Variants in SREBF1 observed in about 807,000 individuals in gnomAD.
The protein encoded by SREBF1 is sterol regulatory element-binding protein 1.
Under a neutral mutation model 100.1 loss-of-function variants are expected in SREBF1, and 45 were observed. That is an observed-to-expected ratio of 0.45 (90% CI 0.35 to 0.58). The LOEUF (loss-of-function observed/expected upper bound fraction) is 0.58, where lower values mean the gene tolerates loss of function less well. SREBF1 is among the 20% of genes least tolerant of loss of function. SREBF1 has a pLI of 0.00. For missense variants in SREBF1, 1,324 were observed against 1,539.4 expected (o/e 0.86, Z 2.34); for synonymous variants, 657 against 681.8 (o/e 0.96, Z 0.57).
Position 17,818,280 on chromosome 17 carries a change from C to G in SREBF1, c.1163G>C (p.Arg388Pro). 1 of 1,613,924 alleles carries G rather than the reference C, an allele frequency of 6.2e-7. No individual in the cohort carries two copies. Among genetic ancestry groups the G allele is most frequent in the Non-Finnish European group, 8.5e-7 (1 of 1,179,984 alleles). ...QKLKQENLSL[R>P]TAVHKSKSLK... ...CTCACTGCTTTTGTGGACAGCAGTG[C>G]GCAGACTTAGGTTCTCCTGCTTGAG... The change falls in exon 6 of 19, where the codon CGC becomes CCC. Residue 388 changes from arginine to proline, a missense_variant. By Grantham distance (103) the Arg-to-Pro change is moderately radical. Coordinates refer to ENST00000261646, the MANE Select transcript of SREBF1 (RefSeq NM_004176.5).
At chr17:17,833,420 C>CAAAAA (rs56369932) in intron 1 of SREBF1, among the ~76,000 whole-genome samples, 12 of 51,082 alleles carry the variant, frequency 2.3e-4, no homozygotes, top group Non-Finnish European at 3.3e-4. Context: ...GACTCCGTCT[C>CAAAAA]AAAAAAAAAA....
chr17:17,826,997 C>T (rs979279000), intron 1 of SREBF1, among the ~76,000 whole-genome samples: 1 of 152,242 alleles, frequency 6.6e-6, no homozygotes, highest in African/African-American at 2.4e-5. Flanking sequence ...AATCCTGTGC[C>T]AGGCACTGGG....
At position 17,824,926 on chromosome 17, in the gene SREBF1, ACGGCCTCTCTAG is replaced by A. The variant is rs1193007212; in HGVS notation, c.92-4417_92-4406del. Among the ~76,000 whole-genome samples the A allele has an allele frequency of 2.0e-5, 3 of 152,090 alleles. No homozygotes were observed. The highest frequency in any genetic ancestry group is 2.9e-5 in the Non-Finnish European group (2 of 68,020). On this transcript the variant is annotated intron_variant, in intron 1 of 18. Transcript: ENST00000261646. The surrounding 1 kb of genome is among the most constrained non-coding windows in gnomAD (Gnocchi z 4.2). ...GCTTTGGGAGGTTCAAGGACAACAG[ACGGCCTCTCTAG>A]CATGGCCCAACCCTCCCCTCAGCCC...
At chr17:17,828,120 T>C (rs1446210551) in intron 1 of SREBF1, among the ~76,000 whole-genome samples, 4 of 152,214 alleles carry the variant, frequency 2.6e-5, no homozygotes, top group African/African-American at 7.2e-5. Flanking sequence ...ACTCCAGCCA[T>C]GGCTTCCTCC....
Position 17,819,137 on chromosome 17 carries a change from G to A in SREBF1, c.944C>T (p.Pro315Leu), listed in dbSNP as rs200774642. 477 of 1,614,054 alleles carry A rather than the reference G, an allele frequency of 3.0e-4. 5 individuals are homozygous for A. The South Asian group carries it at 4.6e-3, about 16-fold the overall frequency. The change falls in exon 5 of 19, where the codon CCG becomes CTG. Residue 315 changes from proline to leucine, a missense_variant. Pro to Leu is a moderately conservative substitution (Grantham distance 98). Transcript: ENST00000261646. ...CTCTCCACGGCTCTGGGCAGAGGCC[G>A]GGGCCTTGCTGCCAGCTGCGAGCCG... ...INRLAAGSKA[P>L]ASAQSRGEKR...
chr17:17,824,144 G>A lies in SREBF1; in HGVS notation c.92-3623C>T, dbSNP rs969080318. 5.9e-5 allele frequency among the ~76,000 whole-genome samples: 9 copies of A among 152,162 alleles called. No homozygotes were observed. The highest frequency in any genetic ancestry group is 8.8e-5 in the Non-Finnish European group (6 of 68,036). On this transcript the variant is annotated intron_variant, in intron 1 of 18. Transcript: ENST00000261646. The surrounding 1 kb of genome is among the most constrained non-coding windows in gnomAD (Gnocchi z 4.2). ...CGAATGGTAGAAGGGAGATAATATG[G>A]GTGCAGCACTTAGTACGCAAGAAGC...
chr17:17,830,693 C>T (rs1166316135), intron 1 of SREBF1, among the ~76,000 whole-genome samples: 2 of 152,190 alleles, frequency 1.3e-5, no homozygotes, highest in Non-Finnish European at 2.9e-5. Context: ...GGGATGGACC[C>T]CCAGCCCCGT....
intron 6 of SREBF1, 88 bp downstream of exon 6, chr17:17,818,172 G>C (rs1163364787): frequency 1.8e-6 from 2 of 1,126,094 alleles, no homozygotes; most frequent in Non-Finnish European, 1.3e-6. Flanking sequence ...AACCAAGGGT[G>C]GGGTGGGGCT....
chr17:17,818,580 A>G, intron 5 of SREBF1: 1 of 608,968 alleles, frequency 1.6e-6, no homozygotes, highest in Non-Finnish European at 3.0e-6. Flanking sequence ...TGTAAGATGC[A>G]GACAGCAGGG....
At chr17:17,829,130 T>C (rs1338732048) in intron 1 of SREBF1, among the ~76,000 whole-genome samples, 1 of 147,832 alleles carries the variant, frequency 6.8e-6, no homozygotes, top group African/African-American at 2.6e-5. Context: ...GAGGCGGAGG[T>C]TGCAGTGAGC....
At position 17,819,059 on chromosome 17, in the gene SREBF1, T is replaced by C; in HGVS notation, c.1022A>G (p.Asp341Gly). ...IEKRYRSSIN[D>G]KIIELKDLVV... ...CAGATCCTTGAGCTCAATGATTTTG[T>C]CATTGATGGAGGAGCGGTAGCGCTT... Residue 341 changes from aspartate to glycine, a missense_variant, in exon 5 of 19, where the codon GAC becomes GGC. By Grantham distance (94) the Asp-to-Gly change is moderately conservative (BLOSUM62 -1). Transcript: ENST00000261646. 1 of 1,614,028 alleles carries C rather than the reference T, an allele frequency of 6.2e-7. No individual in the cohort carries two copies. Among genetic ancestry groups the C allele is most frequent in the Non-Finnish European group, 8.5e-7 (1 of 1,180,050 alleles).
rs1045239575 is a variant in SREBF1 at position 17,836,726 on chromosome 17, C to G, written c.91+1G>C. The G allele has an allele frequency of 2.6e-6, 4 of 1,567,106 alleles. No individual in the cohort carries two copies. The highest frequency in any genetic ancestry group is 3.4e-6 in the Non-Finnish European group (4 of 1,164,138). On this transcript the variant is annotated splice_donor_variant, in intron 1 of 18. Coordinates refer to ENST00000261646, the MANE Select transcript of SREBF1 (RefSeq NM_004176.5). LOFTEE classifies it high-confidence loss of function. ...TTCAAGCCCTGCCCGCCCTGACGCA[C>G]CTTCGATGTCGGTCAGCAGCGCCGC...
chr17:17,820,565 C>T (rs774515195), intron 1 of SREBF1, 44 bp from the exon 2 acceptor site: 2 of 1,593,574 alleles, frequency 1.3e-6, no homozygotes, highest in Non-Finnish European at 1.7e-6. Context: ...CAGAGACTGA[C>T]CCCCAAACAG....
Position 17,812,594 on chromosome 17 carries a change from A to G in SREBF1, c.*28T>C. 1 of 1,570,320 alleles carries G rather than the reference A, an allele frequency of 6.4e-7. No individual in the cohort carries two copies. The highest frequency in any genetic ancestry group is 1.8e-5 in the Admixed American group (1 of 55,432). On this transcript the variant is annotated 3_prime_UTR_variant, in exon 19 of 19. Transcript: ENST00000261646. The stretch of plus-strand genomic sequence containing the variant: ...GCACGGGACCAAAGTGGCTAGAGAC[A>G]GGGGTGCTGAGGCCGGGGACACGGG...
intron 1 of SREBF1, among the ~76,000 whole-genome samples, chr17:17,828,625 C>T (rs184606504): frequency 2.5e-4 from 38 of 152,296 alleles, no homozygotes; most frequent in Middle Eastern, 3.4e-3. Flanking sequence ...GTCAAAATGG[C>T]AGTGCTAAGG....
intron 12 of SREBF1, 198 bp from the exon 13 acceptor site, chr17:17,815,527 A>G: frequency 1.7e-6 from 1 of 602,620 alleles, no homozygotes. Context: ...TGGCCAGGAG[A>G]CAACACTGAG....
intron 12 of SREBF1, chr17:17,815,656 T>C: frequency 1.6e-6 from 1 of 623,158 alleles, no homozygotes; most frequent in Non-Finnish European, 2.8e-6. Context: ...CATCTGCCCA[T>C]CAATCCCTGC....
chr17:17,817,085 T>C lies in SREBF1; in HGVS notation c.1658A>G (p.Asn553Ser), dbSNP rs377727800. The C allele has an allele frequency of 2.5e-5, 40 of 1,612,864 alleles. No individual in the cohort carries two copies. The highest frequency in any genetic ancestry group is 6.6e-5 in the South Asian group (6 of 91,080). Residue 553 changes from asparagine to serine, a missense_variant, in exon 9 of 19, where the codon AAT becomes AGT. Transcript: ENST00000261646. The surrounding 1 kb of genome is among the most constrained non-coding windows in gnomAD (Gnocchi z 6.6). ...CAAGGAGACGAGCACCAACAGCCCA[T>C]TGAGCAGCCAGACCACTGGGGGCAG... ...WLLPPVVWLLNGLLVLVSLVL... is the reference protein window; with the variant it reads ...WLLPPVVWLLSGLLVLVSLVL...
In SREBF1 at chr17:17,820,155, G is replaced by A. The variant is rs140585468; in HGVS notation, c.458C>T (p.Ala153Val). The part of the protein sequence containing the change: ...ALLPQSFPAP[A>V]PPQFSSTPVL... ...AGGGGTGGAGCTGAACTGCGGTGGG[G>A]CTGGGGCTGGGAAGCTCTGTGGCAG... The change falls in exon 2 of 19, where the codon GCC becomes GTC. Residue 153 changes from alanine (A) to valine (V), a missense_variant. Ala to Val is a moderately conservative substitution (Grantham distance 64, BLOSUM62 0). Coordinates refer to ENST00000261646, the MANE Select transcript of SREBF1 (RefSeq NM_004176.5). The A allele has an allele frequency of 6.2e-6, 10 of 1,613,296 alleles. No individual in the cohort carries two copies. In the African/African-American group the frequency reaches 1.2e-4, roughly 19 times the overall value.
Sources: gnomAD v4.1 joint callset for allele counts (sites outside exome capture counted in the v4.1 genomes callset) on GRCh38, gnomAD v4.1.1 for gene constraint, Gnocchi (gnomAD v3.1) non-coding constraint, MANE v1.5 for transcripts, NCBI Gene and HGNC (gene_info 2026-07-23, HGNC 2026-07-21) for gene names.